SLC5A2: variants seen among roughly 807,000 people sequenced by gnomAD.
SLC5A2 encodes solute carrier family 5 member 2, also known as sodium/glucose cotransporter 2.
In SLC5A2, 67 loss-of-function variants were observed where a neutral mutation model predicts 69.0. The observed-to-expected ratio is 0.97, with a 90% CI of 0.80 to 1.19. SLC5A2 has a LOEUF of 1.19. Among genes scored for constraint, SLC5A2 ranks in the 50% most tolerant of loss-of-function variants. The pLI is 0.00. For missense variants in SLC5A2, 1,001 were observed against 921.5 expected (o/e 1.09, Z -1.12); for synonymous variants, 455 against 395.8 (o/e 1.15, Z -1.78).
At position 31,490,743 on chromosome 16, in the gene SLC5A2, G is replaced by A. The variant is rs914951232; in HGVS notation, c.*208G>A. ...GCCCACCCGCTGCAGTTGCCCTAAG[G>A]AAAAATAAAGCTGCCTTTCCCCTGT... On this transcript the variant is annotated 3_prime_UTR_variant, in exon 14 of 14. Coordinates refer to ENST00000330498, the MANE Select transcript of SLC5A2 (RefSeq NM_003041.4). 9.6e-6 allele frequency: 14 copies of A among 1,457,602 alleles called. No homozygotes were observed. Among genetic ancestry groups the A allele is most frequent in the Non-Finnish European group, 1.3e-5 (14 of 1,043,680 alleles). 90.3% of individuals were successfully genotyped at this position (1,457,602 alleles called of 1,614,324 possible).
rs369855362 is a variant in SLC5A2, at chr16:31,490,559, A to C, written c.*24A>C. On this transcript the variant is annotated 3_prime_UTR_variant, in exon 14 of 14. Coordinates refer to ENST00000330498, the MANE Select transcript of SLC5A2 (RefSeq NM_003041.4). The stretch of plus-strand genomic sequence containing the variant: ...AAGACCAACTGCGTTGGACACCATA[A>C]GCCACAGCCTCACAGGAAGTGGGGG... 1 of 1,572,262 alleles carries C rather than the reference A, an allele frequency of 6.4e-7. No individual in the cohort carries two copies. The highest frequency in any genetic ancestry group is 1.3e-5 in the African/African-American group (1 of 74,274).
Position 31,487,596 on chromosome 16 carries a change from C to CG in SLC5A2, c.724dup (p.Val242GlyfsTer108), listed in dbSNP as rs1439985964. ...TACCTGGGAGCAGCGACTTCGCTGA[C>CG]GGTGTCCGAGGATCCAGCCGTGGGA... On this transcript the variant is annotated frameshift_variant, in exon 7 of 14. Coordinates refer to ENST00000330498, the MANE Select transcript of SLC5A2 (RefSeq NM_003041.4). LOFTEE classifies it high-confidence loss of function. The CG allele has an allele frequency of 2.5e-6, 4 of 1,613,972 alleles. No individual in the cohort carries two copies. Among genetic ancestry groups the CG allele is most frequent in the Non-Finnish European group, 2.5e-6 (3 of 1,180,002 alleles).
chr16:31,488,936 C>G lies in SLC5A2; in HGVS notation c.1337C>G (p.Ala446Gly), dbSNP rs745878674. The G allele has an allele frequency of 6.2e-7, 1 of 1,604,016 alleles. No homozygotes were observed. The highest frequency in any genetic ancestry group is 1.3e-5 in the African/African-American group (1 of 74,934). The change falls in exon 11 of 14, where the codon GCG becomes GGG. Residue 446 changes from alanine to glycine, a missense_variant. By Grantham distance (60) the Ala-to-Gly change is moderately conservative (BLOSUM62 0). Coordinates refer to ENST00000330498, the MANE Select transcript of SLC5A2 (RefSeq NM_003041.4). ...GTGGCCTGGCTTCCCGTGGTGCAGGCGGCACAGGGCGGGCAGCTCTTCGAT... is the reference window on the plus strand; with the variant it reads ...GTGGCCTGGCTTCCCGTGGTGCAGGGGGCACAGGGCGGGCAGCTCTTCGAT... The part of the protein sequence containing the change: ...VSVAWLPVVQ[A>G]AQGGQLFDYI...
Position 31,489,327 on chromosome 16 carries a change from C to T in SLC5A2, c.1654C>T (p.Pro552Ser), listed in dbSNP as rs762827044. Residue 552 changes from proline (P) to serine (S), a missense_variant, in exon 12 of 14, where the codon CCC (proline) becomes TCC (serine). Coordinates refer to ENST00000330498, the MANE Select transcript of SLC5A2 (RefSeq NM_003041.4). ...GGTCTCCCTGTGCACCGCGCCCATCCCCAGAAAGCACGTGAGTGGCCAGGT... is the reference window on the plus strand; with the variant it reads ...GGTCTCCCTGTGCACCGCGCCCATCTCCAGAAAGCACGTGAGTGGCCAGGT... ...LTVSLCTAPI[P>S]RKHLHRLVFS... 3 of 1,608,356 alleles carry T rather than the reference C, an allele frequency of 1.9e-6. No individual in the cohort carries two copies. In the African/African-American group the frequency reaches 4.0e-5, roughly 21 times the overall value.
In SLC5A2 at chr16:31,487,383, G is replaced by C. The variant is rs1435094862; in HGVS notation, c.638G>C (p.Cys213Ser). 1 of 1,613,882 alleles carries C rather than the reference G, an allele frequency of 6.2e-7. No individual in the cohort carries two copies. The highest frequency in any genetic ancestry group is 8.5e-7 in the Non-Finnish European group (1 of 1,180,012). Residue 213 changes from cysteine to serine, a missense_variant, in exon 6 of 14, where the codon TGC becomes TCC. Physicochemically the swap from Cys to Ser is moderately radical, Grantham distance 112 (BLOSUM62 -1). Coordinates refer to ENST00000330498, the MANE Select transcript of SLC5A2 (RefSeq NM_003041.4). ...ACCTTCGTCATTCTGGGGGGCGCCT[G>C]CATCCTCATGGGTTACGGTAGGGGC... ...VQTFVILGGA[C>S]ILMGYAFHEV...
At chr16:31,487,445 G>A (rs1278157512) in intron 6 of SLC5A2, 45 bp downstream of exon 6, 18 of 1,611,156 alleles carry the variant, frequency 1.1e-5, no homozygotes, top group Non-Finnish European at 1.5e-5. Flanking sequence ...GCATGGTCGC[G>A]GAGCTCTCGG....
At chr16:31,484,453 A>G (rs991557330) in intron 1 of SLC5A2, among the ~76,000 whole-genome samples, 10 of 151,982 alleles carry the variant, frequency 6.6e-5, no homozygotes, top group Admixed American at 5.2e-4. Flanking sequence ...AAGAAAGAAA[A>G]AGAAAAAATA....
rs199574142 is a variant in SLC5A2, at chr16:31,483,289, G to A, written c.126+27G>A. 37 of 1,613,708 alleles carry A rather than the reference G, an allele frequency of 2.3e-5. No homozygotes were observed. The African/African-American group carries it at 3.6e-4, about 16-fold the overall frequency. The stretch of plus-strand genomic sequence containing the variant: ...TGAGAAGTTGGGGGGTGTGCTGCTG[G>A]TGGCTGCTGGCTTTGGGGGCCTGGG... On this transcript the variant is annotated intron_variant, in intron 1 of 13. Transcript: ENST00000330498.
Position 31,483,239 on chromosome 16 carries a change from C to G in SLC5A2, c.103C>G (p.Leu35Val), listed in dbSNP as rs200267514. The change falls in exon 1 of 14, where the codon CTG (leucine) becomes GTG (valine). Residue 35 changes from leucine to valine, a missense_variant. Transcript: ENST00000330498. Reference protein sequence around the residue: ...DILVIAAYFLLVIGVGLWSMC... With the variant: ...DILVIAAYFLVVIGVGLWSMC... ...CCTAGTCATTGCTGCATATTTCCTG[C>G]TGGTCATTGGCGTTGGCTTGTGGGT... 20 of 1,613,810 alleles carry G rather than the reference C, an allele frequency of 1.2e-5. No homozygotes were observed. Among genetic ancestry groups the G allele is most frequent in the Non-Finnish European group, 1.6e-5 (19 of 1,180,010 alleles).
In SLC5A2 at chr16:31,489,164, G is replaced by A. The variant is rs757081730; in HGVS notation, c.1491G>A (p.Leu497=). 15 of 1,609,992 alleles carry A rather than the reference G, an allele frequency of 9.3e-6. No homozygotes were observed. In the East Asian group the frequency reaches 3.3e-4, roughly 36 times the overall value. ...WGLIGGLLMG[L]ARLIPEFSFG... ...TCATCGGGGGCCTGCTGATGGGCCT[G>A]GCACGCCTGATTCCCGAGTTCTCCT... is the stretch of plus-strand genomic sequence containing the variant. The change falls in exon 12 of 14, where the codon CTG becomes CTA. Residue 497 remains leucine, a synonymous_variant. Coordinates refer to ENST00000330498, the MANE Select transcript of SLC5A2 (RefSeq NM_003041.4).
intron 4 of SLC5A2, 131 bp from the exon 5 acceptor site, chr16:31,486,039 G>A (rs2082492899): frequency 3.4e-6 from 4 of 1,184,336 alleles, no homozygotes; most frequent in Admixed American, 1.7e-5. Context: ...AATGTCTCCG[G>A]GGCACCAGCT....
At chr16:31,486,383 G>A in intron 5 of SLC5A2, 108 bp downstream of exon 5, 2 of 796,382 alleles carry the variant, frequency 2.5e-6, no homozygotes, top group Non-Finnish European at 4.4e-6. Context: ...GTCTGGAAGG[G>A]TGGTGTGGTC....
At position 31,488,629 on chromosome 16, in the gene SLC5A2, C is replaced by T. The variant is rs761863294; in HGVS notation, c.1137C>T (p.Arg379=). 12 of 1,611,176 alleles carry T rather than the reference C, an allele frequency of 7.4e-6. No homozygotes were observed. Among genetic ancestry groups the T allele is most frequent in the Non-Finnish European group, 1.7e-6 (2 of 1,179,428 alleles). ...GCTGCCGTCGGCCCGCAGGTCTGCG[C>T]GGACTCATGCTGGCGGTCATGCTGG... ...LVVKLMPNGL[R]GLMLAVMLAA... is the part of the protein sequence containing the mutation. Residue 379 remains arginine, a synonymous_variant, in exon 10 of 14, where the codon CGC becomes CGT. Transcript: ENST00000330498.
In SLC5A2 at chr16:31,488,965, A is replaced by C. The variant is rs2082529261; in HGVS notation, c.1366A>C (p.Ile456Leu). The C allele has an allele frequency of 6.2e-7, 1 of 1,602,566 alleles. No homozygotes were observed. The highest frequency in any genetic ancestry group is 8.5e-7 in the Non-Finnish European group (1 of 1,179,858). Residue 456 changes from isoleucine (I) to leucine (L), a missense_variant, in exon 11 of 14, where the codon ATC becomes CTC. Coordinates refer to ENST00000330498, the MANE Select transcript of SLC5A2 (RefSeq NM_003041.4). The stretch of plus-strand genomic sequence containing the variant: ...ACAGGGCGGGCAGCTCTTCGATTAC[A>C]TCCAGGCAGTCTCTAGCTACCTGGC... ...AAQGGQLFDY[I>L]QAVSSYLAPP...
chr16:31,490,596 C>A lies in SLC5A2; in HGVS notation c.*61C>A. 1 of 1,393,080 alleles carries A rather than the reference C, an allele frequency of 7.2e-7. No individual in the cohort carries two copies. The highest frequency in any genetic ancestry group is 1.0e-6 in the Non-Finnish European group (1 of 997,348). 86.3% of individuals were successfully genotyped at this position (1,393,080 alleles called of 1,614,324 possible). A position where few individuals can be genotyped will look rare whatever the true frequency, so the allele number is the denominator to read the frequency against. On this transcript the variant is annotated 3_prime_UTR_variant, in exon 14 of 14. Coordinates refer to ENST00000330498, the MANE Select transcript of SLC5A2 (RefSeq NM_003041.4). ...ACAGGAAGTGGGGGTGAGGAGCCTG[C>A]GGTGCTCCCCAGAAAAGGGGAAGGG...
At position 31,490,602 on chromosome 16, in the gene SLC5A2, T is replaced by C; in HGVS notation, c.*67T>C. ...AGTGGGGGTGAGGAGCCTGCGGTGC[T>C]CCCCAGAAAAGGGGAAGGGGCAGTG... On this transcript the variant is annotated 3_prime_UTR_variant, in exon 14 of 14. Coordinates refer to ENST00000330498, the MANE Select transcript of SLC5A2 (RefSeq NM_003041.4). The C allele has an allele frequency of 7.2e-7, 1 of 1,383,798 alleles. No individual in the cohort carries two copies. The highest frequency in any genetic ancestry group is 1.9e-5 in the Admixed American group (1 of 51,684). The allele number at this position is 1,383,798 out of a possible 1,614,324, so 85.7% of individuals were successfully genotyped here. A position where few individuals can be genotyped will look rare whatever the true frequency, so the allele number is the denominator to read the frequency against.
rs1444068618 is a variant in SLC5A2, at chr16:31,487,306, C to A, written c.575-14C>A. Reference sequence around the variant, plus strand: ...TAAACAGCTGGGCTGTCCCCTGACCCCGGCCTGTTGCAGGAGGGCTGGCCG... The same window carrying A: ...TAAACAGCTGGGCTGTCCCCTGACCACGGCCTGTTGCAGGAGGGCTGGCCG... On this transcript the variant is annotated splice_polypyrimidine_tract_variant and intron_variant, in intron 5 of 13. Coordinates refer to ENST00000330498, the MANE Select transcript of SLC5A2 (RefSeq NM_003041.4). 1.2e-6 allele frequency: 2 copies of A among 1,613,764 alleles called. No homozygotes were observed. Among genetic ancestry groups the A allele is most frequent in the East Asian group, 2.2e-5 (1 of 44,872 alleles).
Position 31,490,569 on chromosome 16 carries a change from T to G in SLC5A2, c.*34T>G. 2 of 1,543,536 alleles carry G rather than the reference T, an allele frequency of 1.3e-6. No individual in the cohort carries two copies. The highest frequency in any genetic ancestry group is 2.3e-5 in the South Asian group (2 of 87,104). ...GCGTTGGACACCATAAGCCACAGCC[T>G]CACAGGAAGTGGGGGTGAGGAGCCT... On this transcript the variant is annotated 3_prime_UTR_variant, in exon 14 of 14. Coordinates refer to ENST00000330498, the MANE Select transcript of SLC5A2 (RefSeq NM_003041.4).
chr16:31,489,872 G>C, intron 12 of SLC5A2: 2 of 564,630 alleles, frequency 3.5e-6, no homozygotes, highest in South Asian at 3.7e-5. Context: ...AGCTGACAAA[G>C]CTGGGGGAGC....
Sources: gnomAD v4.1 joint callset for allele counts (sites outside exome capture counted in the v4.1 genomes callset) on GRCh38, gnomAD v4.1.1 for gene constraint, MANE v1.5 for transcripts, NCBI Gene and HGNC (gene_info 2026-07-23, HGNC 2026-07-21) for gene names.